Variants in ATG4B observed in about 807,000 individuals in gnomAD.
The protein encoded by ATG4B is cysteine protease ATG4B.
ATG4B carries 29 observed loss-of-function variants against 56.6 expected under a neutral mutation model. The observed-to-expected ratio is 0.51, with a 90% CI of 0.38 to 0.70. ATG4B has a LOEUF of 0.70. ATG4B is among the 30% of genes least tolerant of loss of function. The pLI is 0.00. For missense variants in ATG4B, 461 were observed against 515.5 expected (o/e 0.89, Z 1.02); for synonymous variants, 224 against 206.1 (o/e 1.09, Z -0.74).
intron 1 of ATG4B, among the ~76,000 whole-genome samples, chr2:241,644,881 G>A (rs1478130476): frequency 3.3e-5 from 5 of 151,892 alleles, no homozygotes; most frequent in East Asian, 1.9e-4. Flanking sequence ...ACCGGGAGGC[G>A]GAGGTTGCAG....
chr2:241,656,251 G>C (rs2068399020), intron 6 of ATG4B, among the ~76,000 whole-genome samples: 3 of 152,088 alleles, frequency 2.0e-5, no homozygotes, highest in African/African-American at 7.2e-5. Flanking sequence ...TTTTCTGTCA[G>C]GTTCCCTGGG....
In ATG4B at chr2:241,651,956, C is replaced by T. The variant is rs749138631; in HGVS notation, c.184+621C>T. The T allele has an allele frequency of 3.0e-5, 39 of 1,303,904 alleles. No individual in the cohort carries two copies. Among genetic ancestry groups the T allele is most frequent in the South Asian group, 1.6e-4 (13 of 81,020 alleles). The allele number at this position is 1,303,904 out of a possible 1,614,324, so 80.8% of individuals were successfully genotyped here. A position where few individuals can be genotyped will look rare whatever the true frequency, so the allele number is the denominator to read the frequency against. On this transcript the variant is annotated intron_variant, in intron 3 of 12. Transcript: ENST00000404914. The surrounding 1 kb of genome is among the most constrained non-coding windows in gnomAD (Gnocchi z 4.1). ...GGTTCTCAGCCTTGCCTCTCACCGG[C>T]GGAGAACTGAGGCCGGAGGTGAGGG...
chr2:241,638,539 A>G (rs2067765280), intron 1 of ATG4B, among the ~76,000 whole-genome samples: 1 of 152,192 alleles, frequency 6.6e-6, no homozygotes, highest in Non-Finnish European at 1.5e-5. Flanking sequence ...CTTTGTGGGA[A>G]CTGATTTGCC....
intron 1 of ATG4B, among the ~76,000 whole-genome samples, chr2:241,650,292 C>G (rs1388729976): frequency 6.6e-6 from 1 of 152,104 alleles, no homozygotes; most frequent in Non-Finnish European, 1.5e-5. Flanking sequence ...CCGGGTACCT[C>G]TGGGGACTTG....
chr2:241,643,395 CAG>C (rs2067961676), intron 1 of ATG4B, among the ~76,000 whole-genome samples: 1 of 130,568 alleles, frequency 7.7e-6, no homozygotes, highest in African/African-American at 2.9e-5. Flanking sequence ...TTAAGAGAGA[CAG>C]GGTCTCCCTG....
rs143747900 is a variant in ATG4B at position 241,659,920 on chromosome 2, G to A, written c.538+733G>A. 359 of 157,596 alleles carry A rather than the reference G, an allele frequency of 2.3e-3. 1 individual carries two copies. Among genetic ancestry groups the A allele is most frequent in the African/African-American group, 8.4e-3 (350 of 41,556 alleles). 9.8% of individuals were successfully genotyped at this position (157,596 alleles called of 1,614,324 possible). A position where few individuals can be genotyped will look rare whatever the true frequency, so the allele number is the denominator to read the frequency against. ...GAAAGAGCTCATTTAGGCCGGGCGCGGTGGCTCATGCCTGTAATCCCAGCA... is the reference window on the plus strand; with the variant it reads ...GAAAGAGCTCATTTAGGCCGGGCGCAGTGGCTCATGCCTGTAATCCCAGCA... On this transcript the variant is annotated intron_variant, in intron 7 of 12. Transcript: ENST00000404914.
At position 241,653,584 on chromosome 2, in the gene ATG4B, C is replaced by G; in HGVS notation, c.257C>G (p.Ala86Gly). 1.3e-6 allele frequency: 2 copies of G among 1,573,016 alleles called. No homozygotes were observed. The highest frequency in any genetic ancestry group is 8.6e-7 in the Non-Finnish European group (1 of 1,159,086). Residue 86 changes from alanine to glycine, a missense_variant, in exon 4 of 13, where the codon GCC becomes GGC. By Grantham distance (60) the Ala-to-Gly change is moderately conservative. Transcript: ENST00000404914. ...LRCGQMIFAQ[A>G]LVCRHLGRDW... ...TGTGGACAGATGATCTTTGCCCAAGCCCTGGTGTGCCGGCACCTAGGCCGA... is the reference window on the plus strand; with the variant it reads ...TGTGGACAGATGATCTTTGCCCAAGGCCTGGTGTGCCGGCACCTAGGCCGA...
intron 1 of ATG4B, among the ~76,000 whole-genome samples, chr2:241,638,826 G>A (rs2067778683): frequency 6.6e-6 from 1 of 152,218 alleles, no homozygotes; most frequent in South Asian, 2.1e-4. Flanking sequence ...TTGTCTTTTA[G>A]AATAACCGTC....
intron 1 of ATG4B, among the ~76,000 whole-genome samples, chr2:241,646,676 T>C (rs1365151513): frequency 6.6e-6 from 1 of 152,194 alleles, no homozygotes; most frequent in Non-Finnish European, 1.5e-5. Context: ...GGGCACTGTG[T>C]TGCCAGCTGA....
At chr2:241,660,857 C>T (rs560554836) in intron 7 of ATG4B, among the ~76,000 whole-genome samples, 8 of 152,206 alleles carry the variant, frequency 5.3e-5, no homozygotes, top group Middle Eastern at 3.2e-3. Flanking sequence ...GTTCCGCACG[C>T]GTGCTCAGGA....
chr2:241,667,853 C>T (rs2068828133), intron 8 of ATG4B: 1 of 398,768 alleles, frequency 2.5e-6, no homozygotes, highest in Admixed American at 4.1e-5. Context: ...AGGGCCACCT[C>T]CCGCACCCCT....
chr2:241,667,166 C>T (rs1211362178), intron 8 of ATG4B, among the ~76,000 whole-genome samples: 3 of 152,180 alleles, frequency 2.0e-5, no homozygotes, highest in Non-Finnish European at 4.4e-5. Context: ...GTGCCCCAGG[C>T]ATGCCCACCC....
intron 1 of ATG4B, among the ~76,000 whole-genome samples, chr2:241,641,104 G>A (rs1265725509): frequency 6.6e-6 from 1 of 152,226 alleles, no homozygotes; most frequent in Non-Finnish European, 1.5e-5. Context: ...AGATGCCAGT[G>A]GATTAGCTCA....
At chr2:241,647,398 C>CATG (rs2068093662) in intron 1 of ATG4B, among the ~76,000 whole-genome samples, 1 of 151,238 alleles carries the variant, frequency 6.6e-6, no homozygotes, top group Non-Finnish European at 1.5e-5. Context: ...GCGGGAGGAT[C>CATG]ATGAGGTCAG....
intron 7 of ATG4B, among the ~76,000 whole-genome samples, chr2:241,661,412 C>G (rs1313333774): frequency 6.6e-6 from 1 of 152,118 alleles, no homozygotes; most frequent in Non-Finnish European, 1.5e-5. Context: ...TACCAAAAGC[C>G]CCAGGAGGGA....
rs2069045408 is a variant in ATG4B at position 241,673,395 on chromosome 2, A to T, written c.*1131A>T. On this transcript the variant is annotated 3_prime_UTR_variant, in exon 13 of 13. Coordinates refer to ENST00000404914, the MANE Select transcript of ATG4B (RefSeq NM_013325.5). ...CTTTGCCCCACTAGGAAATGTAAAC[A>T]GGAGGGCTTGGGGAGCGTGGGCACT... is the stretch of plus-strand genomic sequence containing the variant. 1 of 367,258 alleles carries T rather than the reference A, an allele frequency of 2.7e-6. No individual in the cohort carries two copies. Among genetic ancestry groups the T allele is most frequent in the Non-Finnish European group, 5.4e-6 (1 of 183,494 alleles). 22.7% of individuals were successfully genotyped at this position (367,258 alleles called of 1,614,324 possible). A position where few individuals can be genotyped will look rare whatever the true frequency, so the allele number is the denominator to read the frequency against.
chr2:241,647,639 A>G (rs6720145), intron 1 of ATG4B, among the ~76,000 whole-genome samples: 70,257 of 147,180 alleles, frequency 0.48, 17,013 homozygotes, highest in East Asian at 0.59. Flanking sequence ...AAAAAAAAAA[A>G]AAAAGAAAAG....
chr2:241,664,255 A>G (rs35274761), intron 7 of ATG4B, among the ~76,000 whole-genome samples: 93,499 of 152,128 alleles, frequency 0.61, 30,311 homozygotes, highest in African/African-American at 0.84. Flanking sequence ...TTGGCTAAGC[A>G]CTGTGGCTCC....
rs1178100476 is a variant in ATG4B, at chr2:241,655,214, C to T, written c.386-57C>T. 6 of 1,553,046 alleles carry T rather than the reference C, an allele frequency of 3.9e-6. No homozygotes were observed. In the African/African-American group the frequency reaches 5.4e-5, roughly 14 times the overall value. The stretch of plus-strand genomic sequence containing the variant: ...ACGTGTCTCCTGGCACCACGTGCCA[C>T]CAGAGGTCAGGGCTGGGGGCGGGTG... On this transcript the variant is annotated intron_variant, in intron 5 of 12. Coordinates refer to ENST00000404914, the MANE Select transcript of ATG4B (RefSeq NM_013325.5).
Sources: gnomAD v4.1 joint callset for allele counts (sites outside exome capture counted in the v4.1 genomes callset) on GRCh38, gnomAD v4.1.1 for gene constraint, Gnocchi (gnomAD v3.1) non-coding constraint, MANE v1.5 for transcripts, NCBI Gene and HGNC (gene_info 2026-07-23, HGNC 2026-07-21) for gene names.